ZNF804A: variants seen among roughly 807,000 people sequenced by gnomAD.
ZNF804A encodes the protein zinc finger protein 804A.
Under a neutral mutation model 16.5 loss-of-function variants are expected in ZNF804A, and 2 were observed. The ratio of observed to expected loss-of-function variants is 0.12; its 90% CI spans 0.05 to 0.38. The LOEUF is 0.38. ZNF804A is among the 10% of genes least tolerant of loss of function. The pLI, the probability that ZNF804A is intolerant of heterozygous loss-of-function variation, is 0.99. For synonymous variants in ZNF804A, 534 were observed against 489.6 expected (o/e 1.09, Z -1.20); for missense variants, 1,473 against 1,390.7 (o/e 1.06, Z -0.94).
chr2:184,830,977 A>G (rs1695254387), intron 1 of ZNF804A, among the ~76,000 whole-genome samples: 1 of 152,124 alleles, frequency 6.6e-6, no homozygotes. Context: ...AGAAGCAAAA[A>G]TATAGTTATT....
At chr2:184,827,999 T>C (rs1033963472) in intron 1 of ZNF804A, among the ~76,000 whole-genome samples, 1 of 151,834 alleles carries the variant, frequency 6.6e-6, no homozygotes, top group Non-Finnish European at 1.5e-5. Context: ...TATTTAATGG[T>C]TTACCAAGAA....
chr2:184,748,106 G>A (rs918832994), intron 1 of ZNF804A, among the ~76,000 whole-genome samples: 2 of 150,208 alleles, frequency 1.3e-5, no homozygotes, highest in Non-Finnish European at 3.0e-5. Flanking sequence ...GTGTCTTTTT[G>A]GTATAATGAT....
Position 184,871,185 on chromosome 2 carries a change from C to A in ZNF804A, c.255+4673C>A, listed in dbSNP as rs1470568260. 3.8e-4 allele frequency among the ~76,000 whole-genome samples: 58 copies of A among 151,624 alleles called. No homozygotes were observed. The Admixed American group carries it at 3.8e-3, about 10-fold the overall frequency. ...GGATGATATCTCCAAAGAGCCCCTGCTACCAACACCACCCTTGGAGGCTGA... is the reference window on the plus strand; with the variant it reads ...GGATGATATCTCCAAAGAGCCCCTGATACCAACACCACCCTTGGAGGCTGA... On this transcript the variant is annotated intron_variant, in intron 2 of 3. Transcript: ENST00000302277.
intron 1 of ZNF804A, among the ~76,000 whole-genome samples, chr2:184,757,058 T>G: frequency 6.6e-6 from 1 of 152,086 alleles, no homozygotes; most frequent in Middle Eastern, 3.2e-3. Flanking sequence ...ACTAAATTCT[T>G]GCTTTCTCAT....
intron 2 of ZNF804A, among the ~76,000 whole-genome samples, chr2:184,916,070 T>C (rs768703247): frequency 1.1e-4 from 17 of 152,196 alleles, no homozygotes; most frequent in Non-Finnish European, 2.2e-4. Flanking sequence ...ATAGAGTTGG[T>C]GATTGAGTTG....
intron 1 of ZNF804A, among the ~76,000 whole-genome samples, chr2:184,635,227 A>AT (rs1463980747): frequency 6.6e-6 from 1 of 152,146 alleles, no homozygotes; most frequent in Admixed American, 6.6e-5. Context: ...CAGTACAAGC[A>AT]TTTTTCCGTA....
In ZNF804A at chr2:184,635,235, G is replaced by A. The variant is rs115240732; in HGVS notation, c.111+36165G>A. ...TCTTTCACAGTACAAGCATTTTTCC[G>A]TATGAAACAACTACATATTGTTTTT... On this transcript the variant is annotated intron_variant, in intron 1 of 3. Transcript: ENST00000302277. 3.3e-3 allele frequency among the ~76,000 whole-genome samples: 509 copies of A among 152,050 alleles called. 5 individuals are homozygous for A. Among genetic ancestry groups the A allele is most frequent in the African/African-American group, 0.012 (481 of 41,490 alleles).
rs1428087343 is a variant in ZNF804A, at chr2:184,936,545, C to A, written c.1149C>A (p.Asn383Lys). The A allele has an allele frequency of 1.9e-6, 3 of 1,613,914 alleles. No homozygotes were observed. Among genetic ancestry groups the A allele is most frequent in the Middle Eastern group, 1.7e-4 (1 of 6,060 alleles). ...QATTEENVKH[N>K]EASTTEVENK... ...CCACAGAGGAAAATGTTAAGCATAA[C>A]GAGGCATCCACAACTGAGGTTGAAA... The change falls in exon 4 of 4, where the codon AAC (asparagine) becomes AAA (lysine). Residue 383 changes from asparagine to lysine, a missense_variant. Physicochemically the swap from Asn to Lys is moderately conservative, Grantham distance 94. Coordinates refer to ENST00000302277, the MANE Select transcript of ZNF804A (RefSeq NM_194250.2).
intron 1 of ZNF804A, among the ~76,000 whole-genome samples, chr2:184,608,208 G>A (rs1158969133): frequency 2.0e-5 from 3 of 152,026 alleles, no homozygotes; most frequent in Non-Finnish European, 4.4e-5. Flanking sequence ...GCTTCCCAAA[G>A]TGCTGGGATT....
At chr2:184,878,659 TCTACAA>T (rs1207001141) in intron 2 of ZNF804A, among the ~76,000 whole-genome samples, 1 of 152,046 alleles carries the variant, frequency 6.6e-6, no homozygotes, top group Non-Finnish European at 1.5e-5. Flanking sequence ...CTATTCATTT[TCTACAA>T]CTCAGTGGAG....
At chr2:184,600,286 C>G (rs1186730590) in intron 1 of ZNF804A, among the ~76,000 whole-genome samples, 1 of 152,114 alleles carries the variant, frequency 6.6e-6, no homozygotes, top group Non-Finnish European at 1.5e-5. Context: ...TACGTAAATT[C>G]TTGATGCATT....
At chr2:184,863,742 T>G (rs984310695) in intron 1 of ZNF804A, among the ~76,000 whole-genome samples, 2 of 152,200 alleles carry the variant, frequency 1.3e-5, no homozygotes, top group Non-Finnish European at 2.9e-5. Flanking sequence ...CTCTATTGAT[T>G]AGAATGTTAT....
intron 1 of ZNF804A, among the ~76,000 whole-genome samples, chr2:184,685,650 G>A (rs1464678308): frequency 6.6e-6 from 1 of 152,086 alleles, no homozygotes; most frequent in Non-Finnish European, 1.5e-5. Context: ...GTTTCTATGG[G>A]CTCAGAAGGG....
At position 184,914,608 on chromosome 2, in the gene ZNF804A, C is replaced by T. The variant is rs1272275687; in HGVS notation, c.256-18995C>T. Reference sequence around the variant, plus strand: ...AAGAGTTGGAAATCTAAAGTTACACCAGATTTAAATTCCTCCATAAAGAAG... The same window carrying T: ...AAGAGTTGGAAATCTAAAGTTACACTAGATTTAAATTCCTCCATAAAGAAG... On this transcript the variant is annotated intron_variant, in intron 2 of 3. Transcript: ENST00000302277. Among the ~76,000 whole-genome samples, 3 of 151,936 alleles carry T rather than the reference C, an allele frequency of 2.0e-5. No homozygotes were observed. The East Asian group carries it at 5.8e-4, about 29-fold the overall frequency.
At position 184,824,381 on chromosome 2, in the gene ZNF804A, G is replaced by A. The variant is rs1007434180; in HGVS notation, c.112-41988G>A. 9.2e-5 allele frequency among the ~76,000 whole-genome samples: 14 copies of A among 151,416 alleles called. No individual in the cohort carries two copies. The South Asian group carries it at 1.9e-3, about 20-fold the overall frequency. ...GGATGGTCACTAAAATGTGAAATGCGGCAGTCAAGCTGACCTTAAAGCTAT... is the reference window on the plus strand; with the variant it reads ...GGATGGTCACTAAAATGTGAAATGCAGCAGTCAAGCTGACCTTAAAGCTAT... On this transcript the variant is annotated intron_variant, in intron 1 of 3. Coordinates refer to ENST00000302277, the MANE Select transcript of ZNF804A (RefSeq NM_194250.2).
At chr2:184,608,420 A>G (rs1691185052) in intron 1 of ZNF804A, among the ~76,000 whole-genome samples, 1 of 152,182 alleles carries the variant, frequency 6.6e-6, no homozygotes, top group African/African-American at 2.4e-5. Context: ...GCAAAGAGAA[A>G]CAAAGTGGGG....
chr2:184,872,669 A>G (rs1262261467), intron 2 of ZNF804A, among the ~76,000 whole-genome samples: 3 of 152,216 alleles, frequency 2.0e-5, no homozygotes, highest in Non-Finnish European at 4.4e-5. Context: ...ATAATCATAG[A>G]GACACCAATT....
At chr2:184,859,234 G>T (rs1695753529) in intron 1 of ZNF804A, among the ~76,000 whole-genome samples, 1 of 151,812 alleles carries the variant, frequency 6.6e-6, no homozygotes, top group East Asian at 1.9e-4. Context: ...ATACTTTTAT[G>T]ATTTAAATAT....
chr2:184,930,842 A>C (rs949498534), intron 2 of ZNF804A, among the ~76,000 whole-genome samples: 1 of 152,232 alleles, frequency 6.6e-6, no homozygotes, highest in Admixed American at 6.5e-5. Context: ...TTATCCAATT[A>C]GTTTTTTAAA....
Sources: gnomAD v4.1 joint callset for allele counts (sites outside exome capture counted in the v4.1 genomes callset) on GRCh38, gnomAD v4.1.1 for gene constraint, MANE v1.5 for transcripts, NCBI Gene and HGNC (gene_info 2026-07-23, HGNC 2026-07-21) for gene names.